The following EPHX2 variants were observed in gnomAD, a reference collection of about 807,000 sequenced individuals.
EPHX2 encodes bifunctional epoxide hydrolase 2.
In EPHX2, 74 loss-of-function variants were observed where a neutral mutation model predicts 78.7. The ratio of observed to expected loss-of-function variants is 0.94; its 90% CI spans 0.78 to 1.14. EPHX2 has a LOEUF of 1.14. Among genes scored for constraint, EPHX2 ranks in the 50% most tolerant of loss-of-function variants. The pLI is 0.00. For synonymous variants in EPHX2, 251 were observed against 255.2 expected (o/e 0.98, Z 0.16); for missense variants, 715 against 702.5 (o/e 1.02, Z -0.20).
chr8:27,540,244 G>T (rs1271213275), intron 14 of EPHX2, among the ~76,000 whole-genome samples: 1 of 152,206 alleles, frequency 6.6e-6, no homozygotes, highest in African/African-American at 2.4e-5. Context: ...GGGCTGGCAG[G>T]GTCTGGGATA....
chr8:27,541,104 G>A lies in EPHX2; in HGVS notation c.1380-369G>A, dbSNP rs546112207. 1.0e-3 allele frequency among the ~76,000 whole-genome samples: 156 copies of A among 152,290 alleles called. 1 individual carries two copies. Among genetic ancestry groups the A allele is most frequent in the Admixed American group, 7.4e-3 (114 of 15,312 alleles). ...CTCAAGTGGGCTCCCTGGGGCAGGCGAGTGGCCTCTGGATGGTGAGGCTGC... is the reference window on the plus strand; with the variant it reads ...CTCAAGTGGGCTCCCTGGGGCAGGCAAGTGGCCTCTGGATGGTGAGGCTGC... On this transcript the variant is annotated intron_variant, in intron 15 of 18. Coordinates refer to ENST00000521400, the MANE Select transcript of EPHX2 (RefSeq NM_001979.6).
downstream of EPHX2, among the ~76,000 whole-genome samples, chr8:27,546,461 C>T (rs1815578621): frequency 6.6e-6 from 1 of 152,192 alleles, no homozygotes; most frequent in African/African-American, 2.4e-5. Flanking sequence ...CAATCTTTTG[C>T]ATCTGAGAAT....
chr8:27,538,023 G>A (rs1203784830), intron 13 of EPHX2, among the ~76,000 whole-genome samples: 1 of 152,166 alleles, frequency 6.6e-6, no homozygotes, highest in Admixed American at 6.5e-5. Context: ...GGCTCACTTT[G>A]TTGTTATTGT....
chr8:27,495,758 G>C (rs1317988246), intron 1 of EPHX2, among the ~76,000 whole-genome samples: 1 of 152,204 alleles, frequency 6.6e-6, no homozygotes, highest in Non-Finnish European at 1.5e-5. Flanking sequence ...TCCTTACTTA[G>C]GTATGCCACT....
At chr8:27,524,799 A>G (rs1480296888) in intron 11 of EPHX2, among the ~76,000 whole-genome samples, 2 of 152,128 alleles carry the variant, frequency 1.3e-5, no homozygotes, top group African/African-American at 2.4e-5. Context: ...ATTTTGTGCT[A>G]TTCTATGGCT....
chr8:27,492,271 A>G (rs7015026), intron 1 of EPHX2, among the ~76,000 whole-genome samples: 19,643 of 152,174 alleles, frequency 0.13, 1,473 homozygotes, highest in African/African-American at 0.22. Flanking sequence ...TGCTTTGGGA[A>G]GCTAAGGTGG....
chr8:27,528,607 T>G (rs1363339188), intron 12 of EPHX2, among the ~76,000 whole-genome samples: 3 of 152,164 alleles, frequency 2.0e-5, no homozygotes, highest in Non-Finnish European at 2.9e-5. Flanking sequence ...GAACAGCTCT[T>G]GGATGTATAG....
At chr8:27,525,110 G>GCGCGCA (rs1814791501) in intron 11 of EPHX2, among the ~76,000 whole-genome samples, 1 of 136,902 alleles carries the variant, frequency 7.3e-6, no homozygotes, top group African/African-American at 3.1e-5. Flanking sequence ...GTGTGTGTGC[G>GCGCGCA]CGCGCGCGCG....
downstream of EPHX2, among the ~76,000 whole-genome samples, chr8:27,546,153 TCTC>T (rs1486996482): frequency 1.3e-5 from 2 of 151,060 alleles, no homozygotes; most frequent in African/African-American, 4.9e-5. Flanking sequence ...AAAGAGAAGT[TCTC>T]CTTTCTAAAT....
rs377228796 is a variant in EPHX2 at position 27,506,875 on chromosome 8, G to A, written c.541G>A (p.Val181Ile). 2.5e-5 allele frequency: 41 copies of A among 1,613,438 alleles called. No individual in the cohort carries two copies. The highest frequency in any genetic ancestry group is 1.6e-4 in the Middle Eastern group (1 of 6,080). ...TCCCATGCTGTTTTGGGCTCAGGTC[G>A]TTTTTTTGGATGACATCGGGGCTAA... ...DTLKASPSEV[V>I]FLDDIGANLK... Residue 181 changes from valine (V) to isoleucine (I), a missense_variant, in exon 5 of 19, where the codon GTT becomes ATT. By Grantham distance (29) the Val-to-Ile change is conservative. Transcript: ENST00000521400.
chr8:27,496,226 C>A (rs7016927), intron 1 of EPHX2, among the ~76,000 whole-genome samples: 7,174 of 152,210 alleles, frequency 0.047, 536 homozygotes, highest in African/African-American at 0.16. Context: ...TTCAAGAGAG[C>A]TAGAGTAGCC....
chr8:27,515,963 C>G, intron 7 of EPHX2, 150 bp downstream of exon 7: 1 of 732,310 alleles, frequency 1.4e-6, no homozygotes, highest in Non-Finnish European at 2.3e-6. Flanking sequence ...GAGGGTGACT[C>G]CAGACCTCAG....
At chr8:27,497,516 C>G (rs1228211330) in intron 1 of EPHX2, among the ~76,000 whole-genome samples, 1 of 152,166 alleles carries the variant, frequency 6.6e-6, no homozygotes, top group African/African-American at 2.4e-5. Context: ...CCTTTTTGGC[C>G]TGTTCCTCTT....
intron 12 of EPHX2, among the ~76,000 whole-genome samples, chr8:27,526,109 C>G (rs1814838045): frequency 6.6e-6 from 1 of 152,208 alleles, no homozygotes; most frequent in Admixed American, 6.5e-5. Flanking sequence ...TTCCTGCACA[C>G]TCCAGAGAGA....
chr8:27,517,620 G>A (rs1057166824), intron 8 of EPHX2, among the ~76,000 whole-genome samples: 3 of 152,194 alleles, frequency 2.0e-5, no homozygotes, highest in Non-Finnish European at 4.4e-5. Context: ...TCTTTGACAA[G>A]GGTATCAAGA....
chr8:27,514,805 G>A (rs1472692143), intron 6 of EPHX2, among the ~76,000 whole-genome samples: 5 of 152,062 alleles, frequency 3.3e-5, no homozygotes, highest in East Asian at 3.9e-4. Context: ...CGTCCACACC[G>A]ACTGTAGGAG....
In EPHX2 at chr8:27,492,587, C is replaced by T. The variant is rs72473991; in HGVS notation, c.101+1278C>T. On this transcript the variant is annotated intron_variant, in intron 1 of 18. Transcript: ENST00000521400. Reference sequence around the variant, plus strand: ...AAGAGTGAGTGATAGCAAGGTTTATCGTGAACAGCGAAAGCACAAAGCTTC... The same window carrying T: ...AAGAGTGAGTGATAGCAAGGTTTATTGTGAACAGCGAAAGCACAAAGCTTC... Among the ~76,000 whole-genome samples, 328 of 152,262 alleles carry T rather than the reference C, an allele frequency of 2.2e-3. 3 individuals carry two copies. Among genetic ancestry groups the T allele is most frequent in the African/African-American group, 7.5e-3 (311 of 41,558 alleles).
chr8:27,500,617 C>T (rs988207368), intron 1 of EPHX2, among the ~76,000 whole-genome samples: 2 of 152,134 alleles, frequency 1.3e-5, no homozygotes, highest in African/African-American at 2.4e-5. Context: ...GTAATGGCCG[C>T]GTGCCCACTC....
chr8:27,525,916 G>A (rs1170595189), intron 12 of EPHX2, among the ~76,000 whole-genome samples: 1 of 152,118 alleles, frequency 6.6e-6, no homozygotes, highest in Non-Finnish European at 1.5e-5. Flanking sequence ...TTTCAAAGAT[G>A]CCCCCAGATG....
Sources: gnomAD v4.1 joint callset for allele counts (sites outside exome capture counted in the v4.1 genomes callset) on GRCh38, gnomAD v4.1.1 for gene constraint, MANE v1.5 for transcripts, NCBI Gene and HGNC (gene_info 2026-07-23, HGNC 2026-07-21) for gene names.